The following ANKRD22 variants were observed in gnomAD, a reference collection of about 807,000 sequenced individuals.
ANKRD22 encodes ankyrin repeat domain-containing protein 22.
ANKRD22 carries 24 observed loss-of-function variants against 25.7 expected under a neutral mutation model. That is an observed-to-expected ratio of 0.93 (90% CI 0.68 to 1.31). ANKRD22 has a LOEUF of 1.31. Ranked by LOEUF, ANKRD22 falls within the 50% of genes most tolerant of loss-of-function variation. The pLI, the probability that ANKRD22 is intolerant of heterozygous loss-of-function variation, is 0.00. For synonymous variants in ANKRD22, 84 were observed against 84.3 expected, an observed-to-expected ratio of 1.00 and a Z score of 0.02; for missense variants, 214 against 227.1, an observed-to-expected ratio of 0.94 and a Z score of 0.37.
intron 1 of ANKRD22, among the ~76,000 whole-genome samples, chr10:88,840,027 T>C (rs983795882): frequency 6.6e-6 from 1 of 152,138 alleles, no homozygotes; most frequent in Admixed American, 6.5e-5. Flanking sequence ...CCCCCCATAA[T>C]GGAAGTAAAA....
intron 1 of ANKRD22, among the ~76,000 whole-genome samples, chr10:88,837,730 G>T (rs548277091): frequency 6.6e-6 from 1 of 152,168 alleles, no homozygotes; most frequent in Non-Finnish European, 1.5e-5. Context: ...TCATGGGAGG[G>T]ACCCAGTGGG....
Position 88,822,542 on chromosome 10 carries a change from G to GGCT in ANKRD22, c.*396_*398dup, listed in dbSNP as rs1206954683. On this transcript the variant is annotated 3_prime_UTR_variant, in exon 6 of 6. Coordinates refer to ENST00000371930, the MANE Select transcript of ANKRD22 (RefSeq NM_144590.3). Reference sequence around the variant, plus strand: ...GGAAAGACTGAGTTTGGAACACCAGGGCTTTTTTTTTTTTTTTTTTTTTTG... The same window carrying GGCT: ...GGAAAGACTGAGTTTGGAACACCAGGGCTGCTTTTTTTTTTTTTTTTTTTTTTG... 2 of 22,264 alleles carry GGCT rather than the reference G, an allele frequency of 9.0e-5. No homozygotes were observed. Among genetic ancestry groups the GGCT allele is most frequent in the Non-Finnish European group, 1.4e-4 (2 of 13,992 alleles). 1.4% of individuals were successfully genotyped at this position (22,264 alleles called of 1,614,324 possible). A position where few individuals can be genotyped will look rare whatever the true frequency, so the allele number is the denominator to read the frequency against.
chr10:88,841,797 G>A (rs776452699), intron 1 of ANKRD22, among the ~76,000 whole-genome samples: 2 of 152,008 alleles, frequency 1.3e-5, no homozygotes, highest in African/African-American at 2.4e-5. Context: ...CAGCAGAATC[G>A]ACCAAATAAA....
At chr10:88,841,122 C>T (rs909788542) in intron 1 of ANKRD22, among the ~76,000 whole-genome samples, 3 of 152,084 alleles carry the variant, frequency 2.0e-5, no homozygotes, top group Non-Finnish European at 4.4e-5. Context: ...AAAAAAACCC[C>T]ATTGCCACAC....
chr10:88,824,279 T>A (rs1843832961), intron 4 of ANKRD22, among the ~76,000 whole-genome samples: 1 of 152,238 alleles, frequency 6.6e-6, no homozygotes, highest in South Asian at 2.1e-4. Context: ...GGCATTAGTG[T>A]CCAAAATTTG....
intron 1 of ANKRD22, among the ~76,000 whole-genome samples, chr10:88,848,599 C>T (rs1290077877): frequency 3.3e-5 from 5 of 152,114 alleles, no homozygotes; most frequent in African/African-American, 1.2e-4. Context: ...TAGCCTTTCT[C>T]ATATCACAGA....
chr10:88,830,240 C>T lies in ANKRD22; in HGVS notation c.214-1574G>A, dbSNP rs529435252. On this transcript the variant is annotated intron_variant, in intron 2 of 5. Coordinates refer to ENST00000371930, the MANE Select transcript of ANKRD22 (RefSeq NM_144590.3). ...AAAAGTATTAATGCTTTTCATATTGCGCTATCAAATTGTGTTCTAATAAGA... is the reference window on the plus strand; with the variant it reads ...AAAAGTATTAATGCTTTTCATATTGTGCTATCAAATTGTGTTCTAATAAGA... Among the ~76,000 whole-genome samples, 18 of 152,282 alleles carry T rather than the reference C, an allele frequency of 1.2e-4. No individual in the cohort carries two copies. In the South Asian group the frequency reaches 2.5e-3, roughly 21 times the overall value.
At chr10:88,834,577 TAAC>T (rs1341147749) in intron 1 of ANKRD22, among the ~76,000 whole-genome samples, 1 of 152,074 alleles carries the variant, frequency 6.6e-6, no homozygotes, top group Admixed American at 6.5e-5. Flanking sequence ...TTAAATAACT[TAAC>T]AACATTTAAA....
intron 1 of ANKRD22, among the ~76,000 whole-genome samples, chr10:88,833,712 A>C (rs1441731): frequency 0.32 from 48,716 of 152,148 alleles, 9,091 homozygotes; most frequent in East Asian, 0.62. Flanking sequence ...TACCTTAAAA[A>C]TGAAATGAAC....
chr10:88,835,788 A>G (rs969263521), intron 1 of ANKRD22, among the ~76,000 whole-genome samples: 1 of 152,162 alleles, frequency 6.6e-6, no homozygotes, highest in Admixed American at 6.5e-5. Context: ...GCTGTTATGA[A>G]CTTGCGGTTT....
At chr10:88,839,637 A>G (rs1411462722) in intron 1 of ANKRD22, among the ~76,000 whole-genome samples, 1 of 152,128 alleles carries the variant, frequency 6.6e-6, no homozygotes, top group Non-Finnish European at 1.5e-5. Context: ...TAGTCTCCTT[A>G]ACTAGACTGT....
At chr10:88,830,578 G>A (rs910590220) in intron 2 of ANKRD22, among the ~76,000 whole-genome samples, 1 of 152,180 alleles carries the variant, frequency 6.6e-6, no homozygotes, top group Non-Finnish European at 1.5e-5. Flanking sequence ...AGAAACATTT[G>A]AAAGTGGAAA....
rs751581257 is a variant in ANKRD22 at position 88,851,594 on chromosome 10, T to C, written c.14A>G (p.Tyr5Cys). 6.2e-7 allele frequency: 1 copy of C among 1,613,326 alleles called. No homozygotes were observed. The highest frequency in any genetic ancestry group is 8.5e-7 in the Non-Finnish European group (1 of 1,179,534). Residue 5 changes from tyrosine to cysteine, a missense_variant, in exon 1 of 6, where the codon TAC becomes TGC. Physicochemically the swap from Tyr to Cys is radical, Grantham distance 194. Transcript: ENST00000371930. Reference sequence around the variant, plus strand: ...TTCAGAAAGGTGATGTACCTCAGAGTATAGGATTCCCATGCTGGTCCTTCA... The same window carrying C: ...TTCAGAAAGGTGATGTACCTCAGAGCATAGGATTCCCATGCTGGTCCTTCA... MGIL[Y>C]SEPICQAAYQ...
chr10:88,836,710 A>G (rs538687511), intron 1 of ANKRD22, among the ~76,000 whole-genome samples: 1 of 152,342 alleles, frequency 6.6e-6, no homozygotes, highest in Admixed American at 6.5e-5. Context: ...CACTTGTGGC[A>G]CTGACTTGCT....
At chr10:88,833,808 G>C (rs1252147663) in intron 1 of ANKRD22, among the ~76,000 whole-genome samples, 1 of 152,202 alleles carries the variant, frequency 6.6e-6, no homozygotes, top group Non-Finnish European at 1.5e-5. Flanking sequence ...CCTTTACTAA[G>C]CTTTCCAACA....
intron 1 of ANKRD22, among the ~76,000 whole-genome samples, chr10:88,836,133 T>A (rs1843952298): frequency 6.6e-6 from 1 of 152,210 alleles, no homozygotes; most frequent in Non-Finnish European, 1.5e-5. Context: ...TCTCACGTGT[T>A]CCATATGCCG....
intron 2 of ANKRD22, among the ~76,000 whole-genome samples, chr10:88,829,622 C>T (rs372143887): frequency 5.3e-5 from 8 of 152,028 alleles, no homozygotes; most frequent in East Asian, 1.9e-4. Context: ...AGTTCAGAAA[C>T]GTATATTTAG....
At chr10:88,827,685 T>C (rs983923152) in intron 3 of ANKRD22, among the ~76,000 whole-genome samples, 7 of 152,214 alleles carry the variant, frequency 4.6e-5, no homozygotes, top group Non-Finnish European at 1.5e-5. Context: ...TTAATTATAG[T>C]TCCTCAAATT....
At chr10:88,830,229 T>A (rs1190903319) in intron 2 of ANKRD22, among the ~76,000 whole-genome samples, 1 of 152,244 alleles carries the variant, frequency 6.6e-6, no homozygotes, top group African/African-American at 2.4e-5. Context: ...GTATTAATGC[T>A]TTTCATATTG....
Sources: allele counts gnomAD v4.1 joint callset (sites outside exome capture counted in the v4.1 genomes callset), GRCh38; gene constraint gnomAD v4.1.1; transcripts MANE v1.5; gene names NCBI Gene and HGNC (gene_info 2026-07-23, HGNC 2026-07-21).